Variants in SHISA6 observed in about 807,000 individuals in gnomAD.
SHISA6 encodes the protein shisa family member 6, also known as protein shisa-6.
Under a neutral mutation model 47.9 loss-of-function variants are expected in SHISA6, and 22 were observed. The ratio of observed to expected loss-of-function variants is 0.46; its 90% confidence interval spans 0.33 to 0.66. The LOEUF (loss-of-function observed/expected upper bound fraction) is 0.66, where lower values mean the gene tolerates loss of function less well. SHISA6 is among the 30% of genes least tolerant of loss of function. The probability of loss-of-function intolerance (pLI) is 0.02; values close to 1 mark genes in which losing one functional copy is unlikely to be tolerated. For synonymous variants in SHISA6, 388 were observed against 337.8 expected (o/e 1.15, Z -1.63); for missense variants, 680 against 764.6 (o/e 0.89, Z 1.30).
At chr17:11,554,896 G>C (rs898551879) in intron 4 of SHISA6, among the ~76,000 whole-genome samples, 4 of 151,968 alleles carry the variant, frequency 2.6e-5, no homozygotes, top group Non-Finnish European at 4.4e-5. Context: ...ACTGCACTGG[G>C]CTCCCATCAG....
At position 11,467,675 on chromosome 17, in the gene SHISA6, G is replaced by T. The variant is rs373436667; in HGVS notation, c.896-84221G>T. Among the ~76,000 whole-genome samples the T allele has an allele frequency of 1.5e-4, 23 of 152,258 alleles. No individual in the cohort carries two copies. The South Asian group carries it at 4.6e-3, about 30-fold the overall frequency. On this transcript the variant is annotated intron_variant, in intron 3 of 5. Transcript: ENST00000441885. ...CTCTTAACTGGTTCTCACCTGTTTG[G>T]GGAGTGAGAATACATAAGGGATTAA...
chr17:11,253,692 C>A (rs924748452), intron 1 of SHISA6, among the ~76,000 whole-genome samples: 6 of 152,102 alleles, frequency 3.9e-5, no homozygotes, highest in African/African-American at 1.2e-4. Flanking sequence ...CTTTGCAATT[C>A]CCTCTGGGGG....
At chr17:11,336,048 A>G (rs1911308546) in intron 2 of SHISA6, among the ~76,000 whole-genome samples, 1 of 151,434 alleles carries the variant, frequency 6.6e-6, no homozygotes, top group East Asian at 1.9e-4. Context: ...AAAAAAAAAA[A>G]AAATCCAAAA....
intron 2 of SHISA6, among the ~76,000 whole-genome samples, chr17:11,277,280 T>TCTCTCTCTCTCTCTCTCACACA (rs1386997909): frequency 1.9e-5 from 1 of 53,928 alleles, no homozygotes; most frequent in African/African-American, 7.2e-5. Flanking sequence ...TCTCTCTCTC[T>TCTCTCTCTCTCTCTCTCACACA]CACACACACA....
chr17:11,507,789 A>G (rs2071511874), intron 3 of SHISA6, among the ~76,000 whole-genome samples: 2 of 152,330 alleles, frequency 1.3e-5, no homozygotes, highest in Admixed American at 6.5e-5. Context: ...CTTTAAAACA[A>G]TAAGATTATT....
At chr17:11,403,180 A>C (rs1034905909) in intron 3 of SHISA6, among the ~76,000 whole-genome samples, 3 of 152,208 alleles carry the variant, frequency 2.0e-5, no homozygotes, top group African/African-American at 7.2e-5. Context: ...TTTAGTGAGA[A>C]TCCTTTCCAA....
At chr17:11,255,007 G>A (rs1187071195) in intron 1 of SHISA6, among the ~76,000 whole-genome samples, 2 of 152,208 alleles carry the variant, frequency 1.3e-5, no homozygotes, top group East Asian at 1.9e-4. Flanking sequence ...CTTCTGGGAA[G>A]TTCTTTGGTC....
At chr17:11,297,727 G>A (rs1335271160) in intron 2 of SHISA6, among the ~76,000 whole-genome samples, 2 of 152,224 alleles carry the variant, frequency 1.3e-5, no homozygotes, top group Non-Finnish European at 2.9e-5. Flanking sequence ...GGGAGGGGAA[G>A]CTGCTAGGAC....
At chr17:11,276,498 C>CA (rs1908897376) in intron 2 of SHISA6, among the ~76,000 whole-genome samples, 1 of 152,174 alleles carries the variant, frequency 6.6e-6, no homozygotes, top group African/African-American at 2.4e-5. Context: ...AGTGAACACC[C>CA]ATACCCCCTT....
intron 3 of SHISA6, among the ~76,000 whole-genome samples, chr17:11,429,620 TAAAAAAA>T (rs34738346): frequency 1.6e-5 from 2 of 121,570 alleles, no homozygotes; most frequent in East Asian, 2.4e-4. Flanking sequence ...CATCTCTACT[TAAAAAAA>T]AAAAAAAAAA....
intron 3 of SHISA6, among the ~76,000 whole-genome samples, chr17:11,437,059 T>C (rs559997286): frequency 6.6e-6 from 1 of 152,268 alleles, no homozygotes; most frequent in South Asian, 2.1e-4. Flanking sequence ...AGAAAGCTTA[T>C]TCCAAGGAAG....
In SHISA6 at chr17:11,241,548, C is replaced by T; in HGVS notation, c.126C>T (p.Val42=). ...NRTLSAGGAA[V]GGRRAGGALA... is the part of the protein sequence containing the mutation. The stretch of plus-strand genomic sequence containing the variant: ...CCCTGAGTGCAGGCGGCGCTGCCGT[C>T]GGGGGCCGGAGGGCCGGGGGCGCCC... Residue 42 remains valine (V), a synonymous_variant, in exon 1 of 6, where the codon GTC becomes GTT. Transcript: ENST00000441885. This position sits in a 1 kb window ranked among gnomAD's most constrained non-coding sequence, Gnocchi z 5.5. 9.2e-7 allele frequency: 1 copy of T among 1,085,198 alleles called. No homozygotes were observed. Among genetic ancestry groups the T allele is most frequent in the Non-Finnish European group, 1.1e-6 (1 of 897,076 alleles). The allele number at this position is 1,085,198 out of a possible 1,614,324, so 67.2% of individuals were successfully genotyped here. A position where few individuals can be genotyped will look rare whatever the true frequency, so the allele number is the denominator to read the frequency against.
At chr17:11,512,243 T>C (rs2071546841) in intron 3 of SHISA6, among the ~76,000 whole-genome samples, 1 of 152,248 alleles carries the variant, frequency 6.6e-6, no homozygotes, top group South Asian at 2.1e-4. Context: ...TGGAGGAATG[T>C]GCCTGGGCAG....
chr17:11,514,620 G>A (rs917316976), intron 3 of SHISA6, among the ~76,000 whole-genome samples: 1 of 152,178 alleles, frequency 6.6e-6, no homozygotes, highest in Non-Finnish European at 1.5e-5. Flanking sequence ...CCCCTGTGAA[G>A]CACATCTTTG....
intron 3 of SHISA6, among the ~76,000 whole-genome samples, chr17:11,524,624 G>C (rs2071660302): frequency 6.6e-6 from 1 of 151,744 alleles, no homozygotes; most frequent in African/African-American, 2.4e-5. Context: ...AGCCTCCCGA[G>C]GAGCTGGGAT....
At chr17:11,290,209 A>G (rs912177299) in intron 2 of SHISA6, 4 of 139,646 alleles carry the variant, frequency 2.9e-5, no homozygotes, top group African/African-American at 8.1e-5. Flanking sequence ...GGAAATTTGT[A>G]GTTTTTGTGT....
At chr17:11,541,003 G>C (rs1343470635) in intron 3 of SHISA6, among the ~76,000 whole-genome samples, 2 of 152,186 alleles carry the variant, frequency 1.3e-5, no homozygotes, top group Non-Finnish European at 2.9e-5. Context: ...ACAGGCTTGG[G>C]AAAGTCCTGT....
Position 11,241,800 on chromosome 17 carries a change from C to T in SHISA6, c.378C>T (p.Tyr126=), listed in dbSNP as rs1239863979. ...GYLYCCGTCY[Y]RFCCKKRHEK... ...TGTACTGCTGCGGTACCTGCTACTA[C>T]CGCTTCTGCTGCAAGAAGCGCCACG... Residue 126 remains tyrosine (Y), a synonymous_variant, in exon 1 of 6, where the codon TAC becomes TAT. Coordinates refer to ENST00000441885, the MANE Select transcript of SHISA6 (RefSeq NM_207386.4). This position sits in a 1 kb window ranked among gnomAD's most constrained non-coding sequence, Gnocchi z 5.5. 1.3e-6 allele frequency: 2 copies of T among 1,550,498 alleles called. No homozygotes were observed. The highest frequency in any genetic ancestry group is 8.7e-7 in the Non-Finnish European group (1 of 1,146,986).
chr17:11,339,449 T>C (rs907459922), intron 2 of SHISA6, among the ~76,000 whole-genome samples: 1 of 152,228 alleles, frequency 6.6e-6, no homozygotes, highest in African/African-American at 2.4e-5. Flanking sequence ...TTTGGTCTGT[T>C]ATTTTTAAAT....
Sources: allele counts gnomAD v4.1 joint callset (sites outside exome capture counted in the v4.1 genomes callset), GRCh38; gene constraint gnomAD v4.1.1; non-coding constraint Gnocchi (gnomAD v3.1); transcripts MANE v1.5; gene names NCBI Gene and HGNC (gene_info 2026-07-23, HGNC 2026-07-21).